RPGRIP1: variants seen among roughly 807,000 people sequenced by gnomAD.
RPGRIP1 encodes the protein RPGR interacting protein 1.
RPGRIP1 carries 128 observed loss-of-function variants against 157.9 expected under a neutral mutation model. That is an observed-to-expected ratio of 0.81 (90% confidence interval 0.70 to 0.94). RPGRIP1 has a LOEUF of 0.94. Ranked by LOEUF, RPGRIP1 falls within the 40% of genes least tolerant of loss-of-function variation. RPGRIP1 has a pLI of 0.00. For synonymous variants in RPGRIP1, 554 were observed against 571.6 expected (o/e 0.97, Z 0.44); for missense variants, 1,486 against 1,545.8 (o/e 0.96, Z 0.65).
intron 3 of RPGRIP1, among the ~76,000 whole-genome samples, chr14:21,298,650 C>T (rs1169589743): frequency 6.7e-6 from 1 of 149,766 alleles, no homozygotes; most frequent in Non-Finnish European, 1.5e-5. Context: ...CGTTTAGAAT[C>T]TGCAGGATTG....
At chr14:21,312,077 C>T (rs1187614379) in intron 9 of RPGRIP1, 107 bp downstream of exon 9, 12 of 1,032,840 alleles carry the variant, frequency 1.2e-5, no homozygotes, top group South Asian at 4.3e-5. Context: ...ATGACAAAAA[C>T]GAAGCTCCGA....
intron 20 of RPGRIP1, among the ~76,000 whole-genome samples, chr14:21,334,152 C>A (rs1018313611): frequency 3.4e-4 from 52 of 152,018 alleles, no homozygotes; most frequent in African/African-American, 1.1e-3. Context: ...AAACTCCTGA[C>A]CTCAGGTGAT....
chr14:21,317,444 G>A, intron 10 of RPGRIP1: 1 of 801,036 alleles, frequency 1.2e-6, no homozygotes. Context: ...CTTGGGAAAT[G>A]GATATGACTT....
chr14:21,318,139 T>A, intron 11 of RPGRIP1: 1 of 547,550 alleles, frequency 1.8e-6, no homozygotes, highest in Non-Finnish European at 3.5e-6. Context: ...GGAGTTTCGC[T>A]CTTGTTGCTC....
At chr14:21,307,932 A>G (rs1881386716) in intron 7 of RPGRIP1, 96 bp downstream of exon 7, 2 of 688,252 alleles carry the variant, frequency 2.9e-6, no homozygotes, top group Admixed American at 3.1e-5. Context: ...AGAAGCCACA[A>G]TTCAGAAAGA....
At chr14:21,320,513 G>C (rs927712829) in intron 12 of RPGRIP1, among the ~76,000 whole-genome samples, 3 of 150,906 alleles carry the variant, frequency 2.0e-5, no homozygotes, top group Non-Finnish European at 2.9e-5. Context: ...GGATGGTCTC[G>C]ATCTCCTGAC....
Position 21,321,341 on chromosome 14 carries a change from T to A in RPGRIP1, c.1550T>A (p.Leu517Ter). Residue 517 changes from leucine (L) to a stop codon, truncating the protein, a stop_gained, in exon 13 of 25, where the codon TTG becomes TAG. Coordinates refer to ENST00000400017, the MANE Select transcript of RPGRIP1 (RefSeq NM_020366.4). LOFTEE classifies it high-confidence loss of function. The stretch of plus-strand genomic sequence containing the variant: ...CAAGTATCACACGCAGAGACCACAT[T>A]GGAACTAGAAAAGACCAGGGACATG... ...ELQVSHAETT[L>*]ELEKTRDMLI... The A allele has an allele frequency of 6.2e-7, 1 of 1,613,884 alleles. No homozygotes were observed. Among genetic ancestry groups the A allele is most frequent in the Non-Finnish European group, 8.5e-7 (1 of 1,179,836 alleles).
intron 10 of RPGRIP1, 68 bp from the exon 11 acceptor site, chr14:21,317,628 C>A (rs748269054): frequency 4.3e-5 from 67 of 1,552,044 alleles, no homozygotes; most frequent in Non-Finnish European, 5.7e-5. Context: ...GATGCTGAAA[C>A]TGGATAATAA....
At chr14:21,322,450 C>T (rs550761824) in intron 14 of RPGRIP1, among the ~76,000 whole-genome samples, 42 of 152,214 alleles carry the variant, frequency 2.8e-4, no homozygotes, top group Admixed American at 3.9e-4. Context: ...CGAGCCACTG[C>T]GCCCGGCCCA....
intron 2 of RPGRIP1, among the ~76,000 whole-genome samples, chr14:21,293,201 G>A (rs11850732): frequency 6.6e-6 from 1 of 152,062 alleles, no homozygotes; most frequent in African/African-American, 2.4e-5. Flanking sequence ...CATTCACCAT[G>A]AGATCAGAGC....
intron 10 of RPGRIP1, among the ~76,000 whole-genome samples, chr14:21,313,327 C>A (rs557926170): frequency 7.1e-6 from 1 of 140,394 alleles, no homozygotes; most frequent in Non-Finnish European, 1.5e-5. Flanking sequence ...TATAGTGAGA[C>A]CCTGTTCTCC....
chr14:21,324,831 A>G lies in RPGRIP1; in HGVS notation c.1976A>G (p.Tyr659Cys), dbSNP rs1278572461. The change falls in exon 15 of 25, where the codon TAT becomes TGT. Residue 659 changes from tyrosine (Y) to cysteine (C), a missense_variant. Transcript: ENST00000400017. ...QPTTFCTYSF[Y>C]DFETHCTPLS... ...ACCACTTTCTGCACCTATTCCTTCTATGACTTTGAAACCCACTGTACCCCA... is the reference window on the plus strand; with the variant it reads ...ACCACTTTCTGCACCTATTCCTTCTGTGACTTTGAAACCCACTGTACCCCA... 2 of 1,613,860 alleles carry G rather than the reference A, an allele frequency of 1.2e-6. No homozygotes were observed. Among genetic ancestry groups the G allele is most frequent in the Non-Finnish European group, 1.7e-6 (2 of 1,179,890 alleles).
intron 15 of RPGRIP1, 22 bp downstream of exon 15, chr14:21,325,092 C>A: frequency 1.3e-6 from 2 of 1,584,404 alleles, no homozygotes; most frequent in Non-Finnish European, 8.6e-7. Context: ...TGGCTTCCTG[C>A]GGCTCCTAAG....
chr14:21,291,448 A>G (rs1228909483), intron 2 of RPGRIP1, among the ~76,000 whole-genome samples: 1 of 152,220 alleles, frequency 6.6e-6, no homozygotes, highest in Non-Finnish European at 1.5e-5. Flanking sequence ...TCAGTATCAT[A>G]AAAGAAAAAT....
chr14:21,332,684 GAAGGTAATCTA>G (rs1883908097), intron 20 of RPGRIP1, among the ~76,000 whole-genome samples: 1 of 152,142 alleles, frequency 6.6e-6, no homozygotes, highest in Non-Finnish European at 1.5e-5. Context: ...TATGGGACCA[GAAGGTAATCTA>G]AACCTCATGT....
chr14:21,281,723 A>AATG (rs1418524331), intron 1 of RPGRIP1, among the ~76,000 whole-genome samples: 1 of 146,750 alleles, frequency 6.8e-6, no homozygotes, highest in Non-Finnish European at 1.5e-5. Context: ...TAATAATAAT[A>AATG]ATAATAATAA....
intron 1 of RPGRIP1, among the ~76,000 whole-genome samples, chr14:21,286,061 C>A (rs1214347477): frequency 6.6e-6 from 1 of 152,042 alleles, no homozygotes; most frequent in Non-Finnish European, 1.5e-5. Flanking sequence ...ACAATTTCAG[C>A]TCACTGCAAC....
intron 20 of RPGRIP1, among the ~76,000 whole-genome samples, chr14:21,330,829 G>A (rs1220853341): frequency 2.0e-5 from 3 of 152,024 alleles, no homozygotes; most frequent in Admixed American, 6.6e-5. Context: ...GTGATGGTTG[G>A]GTTAACCAAG....
At chr14:21,306,684 C>G (rs1014133553) in intron 6 of RPGRIP1, among the ~76,000 whole-genome samples, 1 of 151,240 alleles carries the variant, frequency 6.6e-6, no homozygotes, top group African/African-American at 2.4e-5. Context: ...GTCTTAATCT[C>G]TTGACCTCGT....
Sources: allele counts gnomAD v4.1 joint callset (sites outside exome capture counted in the v4.1 genomes callset), GRCh38; gene constraint gnomAD v4.1.1; transcripts MANE v1.5; gene names NCBI Gene and HGNC (gene_info 2026-07-23, HGNC 2026-07-21).